LBP: variants seen among roughly 807,000 people sequenced by gnomAD.
The protein encoded by LBP is lipopolysaccharide-binding protein.
A neutral mutation model predicts 56.6 loss-of-function variants in LBP; 53 were observed. The observed-to-expected ratio is 0.94, with a 90% confidence interval of 0.75 to 1.18. The LOEUF (loss-of-function observed/expected upper bound fraction) is 1.18. Ranked by LOEUF, LBP falls within the 50% of genes most tolerant of loss-of-function variation. The pLI, the probability that LBP is intolerant of heterozygous loss-of-function variation, is 0.00. For missense variants in LBP, 601 were observed against 598.3 expected, an observed-to-expected ratio of 1.00 and a Z score of -0.05; for synonymous variants, 227 against 247.5, an observed-to-expected ratio of 0.92 and a Z score of 0.78.
chr20:38,348,048 C>T (rs764996663), intron 1 of LBP, among the ~76,000 whole-genome samples: 1 of 152,074 alleles, frequency 6.6e-6, no homozygotes, highest in South Asian at 2.1e-4. Context: ...GCGTTCCAGG[C>T]GGAAGGACCC....
chr20:38,346,740 C>T, intron 1 of LBP, 100 bp downstream of exon 1: 1 of 1,513,764 alleles, frequency 6.6e-7, no homozygotes, highest in Non-Finnish European at 8.9e-7. Flanking sequence ...CGGACCCTCT[C>T]CCTGGGGCAG....
At chr20:38,348,596 C>A (rs1369073800) in intron 1 of LBP, among the ~76,000 whole-genome samples, 1 of 152,026 alleles carries the variant, frequency 6.6e-6, no homozygotes, top group Non-Finnish European at 1.5e-5. Context: ...CTGCGCCCGA[C>A]CCCTTTCCAT....
chr20:38,361,523 G>A (rs1158074315), intron 6 of LBP, among the ~76,000 whole-genome samples: 4 of 151,878 alleles, frequency 2.6e-5, no homozygotes, highest in Non-Finnish European at 5.9e-5. Context: ...TCCTGCCTCA[G>A]CCACCTGAGT....
chr20:38,355,440 G>A (rs371595954), intron 5 of LBP, 31 bp downstream of exon 5: 255 of 1,594,280 alleles, frequency 1.6e-4, no homozygotes, highest in Non-Finnish European at 2.1e-4. Flanking sequence ...GGCCTCCCCC[G>A]AGCTTGGCGA....
intron 14 of LBP, among the ~76,000 whole-genome samples, chr20:38,375,844 T>C (rs1262169362): frequency 4.6e-5 from 7 of 152,090 alleles, no homozygotes. Context: ...TTAAAGGGAA[T>C]GAAGGGCAGG....
At chr20:38,368,870 A>T in intron 9 of LBP, 125 bp from the exon 10 acceptor site, 1 of 969,358 alleles carries the variant, frequency 1.0e-6, no homozygotes. Flanking sequence ...AAAAAGGCAC[A>T]GAGAATTTTG....
intron 5 of LBP, among the ~76,000 whole-genome samples, chr20:38,358,851 T>A (rs2076849957): frequency 6.6e-6 from 1 of 152,166 alleles, no homozygotes; most frequent in Non-Finnish European, 1.5e-5. Flanking sequence ...CTGTTTAAAG[T>A]GAGGACTTTC....
chr20:38,354,102 G>C (rs1600723201), intron 3 of LBP, among the ~76,000 whole-genome samples, 182 bp from the exon 4 acceptor site: 1 of 152,104 alleles, frequency 6.6e-6, no homozygotes, highest in Non-Finnish European at 1.5e-5. Flanking sequence ...CCTTCATCCA[G>C]CCCTGCCTGG....
At chr20:38,361,085 C>T (rs1323342427) in intron 6 of LBP, among the ~76,000 whole-genome samples, 1 of 151,492 alleles carries the variant, frequency 6.6e-6, no homozygotes, top group Non-Finnish European at 1.5e-5. Context: ...TTGATTGAAC[C>T]CAGAAGGTGG....
At chr20:38,356,121 A>C (rs2122602636) in intron 5 of LBP, among the ~76,000 whole-genome samples, 2 of 54,018 alleles carry the variant, frequency 3.7e-5, no homozygotes, top group Non-Finnish European at 7.8e-5. Context: ...CACACACACC[A>C]CACACACATC....
At chr20:38,357,747 G>C (rs991468321) in intron 5 of LBP, among the ~76,000 whole-genome samples, 1 of 152,224 alleles carries the variant, frequency 6.6e-6, no homozygotes, top group Admixed American at 6.5e-5. Flanking sequence ...TCTTGAGTCT[G>C]TGCTAAAGGG....
At chr20:38,367,963 G>C (rs150738928) in intron 9 of LBP, among the ~76,000 whole-genome samples, 8 of 151,954 alleles carry the variant, frequency 5.3e-5, no homozygotes, top group African/African-American at 9.7e-5. Context: ...AGGCCAAAGT[G>C]GGGGGGTAGC....
chr20:38,352,351 C>A (rs562076440), intron 3 of LBP, among the ~76,000 whole-genome samples: 1 of 152,160 alleles, frequency 6.6e-6, no homozygotes, highest in South Asian at 2.1e-4. Flanking sequence ...ATAGAAGCCA[C>A]CAGCCATGCC....
intron 5 of LBP, among the ~76,000 whole-genome samples, chr20:38,357,934 C>T (rs2076847006): frequency 6.6e-6 from 1 of 152,162 alleles, no homozygotes; most frequent in South Asian, 2.1e-4. Flanking sequence ...ATATAATGAG[C>T]AGTGAGGATG....
chr20:38,351,308 AGGAAG>A (rs879746261), intron 3 of LBP, among the ~76,000 whole-genome samples: 20 of 152,152 alleles, frequency 1.3e-4, no homozygotes, highest in Non-Finnish European at 2.2e-4. Context: ...TGGGGAAGTG[AGGAAG>A]GGAAGGGAAG....
intron 12 of LBP, among the ~76,000 whole-genome samples, chr20:38,371,800 C>T (rs1019671849): frequency 6.9e-6 from 1 of 145,810 alleles, no homozygotes; most frequent in Non-Finnish European, 1.5e-5. Context: ...CCTACAGTTT[C>T]AGTTTTTTAA....
At chr20:38,369,274 C>T (rs2076893370) in intron 10 of LBP, 112 bp downstream of exon 10, 1 of 1,074,516 alleles carries the variant, frequency 9.3e-7, no homozygotes, top group East Asian at 2.5e-5. Flanking sequence ...CAGGTCTCAA[C>T]TTAAATATTA....
chr20:38,353,049 A>C (rs1411358924), intron 3 of LBP, among the ~76,000 whole-genome samples: 1 of 152,240 alleles, frequency 6.6e-6, no homozygotes, highest in South Asian at 2.1e-4. Flanking sequence ...CATGAAAGGA[A>C]CTGGCCACAC....
chr20:38,359,133 T>C (rs182689790), intron 5 of LBP, among the ~76,000 whole-genome samples: 3 of 152,354 alleles, frequency 2.0e-5, no homozygotes, highest in East Asian at 3.9e-4. Context: ...TCTTGATCTT[T>C]ATGATTTTTT....
Sources: gnomAD v4.1 joint callset for allele counts (sites outside exome capture counted in the v4.1 genomes callset) on GRCh38, gnomAD v4.1.1 for gene constraint, MANE v1.5 for transcripts, NCBI Gene and HGNC (gene_info 2026-07-23, HGNC 2026-07-21) for gene names.